The following MED22 variants were observed in gnomAD, a reference collection of about 807,000 sequenced individuals.
MED22 encodes mediator complex subunit 22.
Under a neutral mutation model 22.7 loss-of-function variants are expected in MED22, and 22 were observed. That is an observed-to-expected ratio of 0.97 (90% CI 0.69 to 1.38). MED22 has a LOEUF of 1.38. MED22 is among the 40% of genes most tolerant of loss of function. MED22 has a pLI of 0.00. For missense variants in MED22, 247 were observed against 263.0 expected (o/e 0.94, Z 0.42); for synonymous variants, 134 against 119.4 (o/e 1.12, Z -0.80).
chr9:133,343,772 T>TG (rs1458004818), intron 4 of MED22: 24 of 1,338,594 alleles, frequency 1.8e-5, no homozygotes, highest in Non-Finnish European at 2.3e-5. Flanking sequence ...ATTCAGAAGG[T>TG]AACAGGAGCA....
Position 133,341,356 on chromosome 9 carries a change from G to C in MED22, c.*149C>G. The C allele has an allele frequency of 9.8e-6, 8 of 815,728 alleles. No homozygotes were observed. Among genetic ancestry groups the C allele is most frequent in the Non-Finnish European group, 1.4e-5 (8 of 562,760 alleles). 50.5% of individuals were successfully genotyped at this position (815,728 alleles called of 1,614,324 possible). ...CTACTGTCCTGGCGGGACCCACCCT[G>C]GGCTAACGGGCTTCCCAAGGAAGTC... On this transcript the variant is annotated 3_prime_UTR_variant, in exon 5 of 5. Transcript: ENST00000343730.
At chr9:133,347,071 C>CA (rs1224154044) in intron 1 of MED22, 1 of 208,518 alleles carries the variant, frequency 4.8e-6, no homozygotes, top group Non-Finnish European at 9.9e-6. Context: ...CACGCCCTCC[C>CA]ATCCGAAGAG....
intron 2 of MED22, 52 bp from the exon 3 acceptor site, chr9:133,345,304 C>G (rs1258773638): frequency 1.3e-6 from 2 of 1,576,008 alleles, no homozygotes; most frequent in Admixed American, 1.7e-5. Flanking sequence ...GCATCCCCAC[C>G]CCTGGCCCGG....
chr9:133,341,760 A>G, intron 4 of MED22, 66 bp from the exon 5 acceptor site: 2 of 1,567,732 alleles, frequency 1.3e-6, no homozygotes, highest in Non-Finnish European at 8.6e-7. Context: ...AGGGGAGGGG[A>G]GAGCAAGACA....
intron 4 of MED22, 92 bp downstream of exon 4, chr9:133,344,033 G>A: frequency 6.3e-7 from 1 of 1,580,004 alleles, no homozygotes. Context: ...AGACCAGCAA[G>A]AATTTGAAAA....
chr9:133,339,296 C>T lies in MED22; in HGVS notation c.*2209G>A, dbSNP rs1288304502. ...CTAAGCACTCTAAGAGCCGAGAGAG[C>T]TTCCTGAAACGCGTGAAGGAAAATG... is the stretch of plus-strand genomic sequence containing the variant. On this transcript the variant is annotated 3_prime_UTR_variant, in exon 5 of 5. Coordinates refer to ENST00000343730, the MANE Select transcript of MED22 (RefSeq NM_133640.5). The T allele has an allele frequency of 9.9e-6, 7 of 705,732 alleles. No individual in the cohort carries two copies. The African/African-American group carries it at 1.1e-4, about 11-fold the overall frequency. 43.7% of individuals were successfully genotyped at this position (705,732 alleles called of 1,614,324 possible). A position where few individuals can be genotyped will look rare whatever the true frequency, so the allele number is the denominator to read the frequency against.
intron 4 of MED22, chr9:133,341,931 C>T: frequency 7.6e-7 from 1 of 1,313,118 alleles, no homozygotes; most frequent in Non-Finnish European, 9.6e-7. Flanking sequence ...CTGGCCCAAC[C>T]ACCAACAGCT....
Position 133,345,247 on chromosome 9 carries a change from C to T in MED22, c.129G>A (p.Glu43=), listed in dbSNP as rs1836146828. ...TGGCCCGTGACACCTGCGTCTCGTC[C>T]TCAATCTGGGGGAAAACAAGAAAAC... is the stretch of plus-strand genomic sequence containing the variant. The part of the protein sequence containing the change: ...FTEIIKTAKI[E]DETQVSRATQ... The change falls in exon 3 of 5, where the codon GAG becomes GAA. Residue 43 remains glutamate (E), a synonymous_variant. Coordinates refer to ENST00000343730, the MANE Select transcript of MED22 (RefSeq NM_133640.5). The T allele has an allele frequency of 6.2e-7, 1 of 1,613,996 alleles. No homozygotes were observed. Among genetic ancestry groups the T allele is most frequent in the African/African-American group, 1.3e-5 (1 of 75,018 alleles).
chr9:133,339,633 G>C lies in MED22; in HGVS notation c.*1872C>G, dbSNP rs1472897385. 2.6e-6 allele frequency: 1 copy of C among 391,556 alleles called. No individual in the cohort carries two copies. The allele number at this position is 391,556 out of a possible 1,614,324, so 24.3% of individuals were successfully genotyped here. A position where few individuals can be genotyped will look rare whatever the true frequency, so the allele number is the denominator to read the frequency against. On this transcript the variant is annotated 3_prime_UTR_variant, in exon 5 of 5. Coordinates refer to ENST00000343730, the MANE Select transcript of MED22 (RefSeq NM_133640.5). Reference sequence around the variant, plus strand: ...ATGGACGAAGGAGAATGTGCTCAGAGAGGCAAACTGACAAGTACTTCCATG... The same window carrying C: ...ATGGACGAAGGAGAATGTGCTCAGACAGGCAAACTGACAAGTACTTCCATG...
At chr9:133,346,032 A>G (rs923791073) in intron 2 of MED22, among the ~76,000 whole-genome samples, 1 of 152,222 alleles carries the variant, frequency 6.6e-6, no homozygotes, top group East Asian at 1.9e-4. Flanking sequence ...GGCTTGATAC[A>G]TGGCAAGCAC....
In MED22 at chr9:133,341,618, C is replaced by G. The variant is rs2129949620; in HGVS notation, c.490G>C (p.Asp164His). ...GCCAGCAGAGGGGCCGAGAGGCCAT[C>G]AGCAGAGTCTGTGTCGAGGTCCAGC... ...GRLDLDTDSA[D>H]GLSAPLLASP... Residue 164 changes from aspartate (D) to histidine (H), a missense_variant, in exon 5 of 5, where the codon GAT becomes CAT. Physicochemically the swap from Asp to His is moderately conservative, Grantham distance 81. Transcript: ENST00000343730. The G allele has an allele frequency of 1.6e-5, 26 of 1,598,922 alleles. No homozygotes were observed. The Admixed American group carries it at 1.8e-4, about 11-fold the overall frequency.
intron 3 of MED22, among the ~76,000 whole-genome samples, chr9:133,344,567 C>T (rs2129962167): frequency 0.056 from 8,544 of 152,288 alleles, 336 homozygotes; most frequent in Non-Finnish European, 0.087. Flanking sequence ...GCTTCCACTC[C>T]TGCAGGACTG....
chr9:133,342,391 C>G (rs1451737751), intron 4 of MED22: 1 of 985,968 alleles, frequency 1.0e-6, no homozygotes, highest in East Asian at 1.1e-4. Context: ...CCTGCCTCGC[C>G]CCTGGCTTCC....
At chr9:133,342,738 A>G (rs1836047664) in intron 4 of MED22, 7 of 985,828 alleles carry the variant, frequency 7.1e-6, no homozygotes, top group Non-Finnish European at 8.4e-6. Flanking sequence ...GAGGGGACAC[A>G]GGCTGGCCTG....
intron 2 of MED22, 37 bp from the exon 3 acceptor site, chr9:133,345,289 C>T (rs1393859375): frequency 6.2e-7 from 1 of 1,603,270 alleles, no homozygotes; most frequent in Non-Finnish European, 8.5e-7. Context: ...ATCAACCCAG[C>T]CAAGGCATCC....
Position 133,340,279 on chromosome 9 carries a change from G to C in MED22, c.*1226C>G, listed in dbSNP as rs1835970639. The C allele has an allele frequency of 1.3e-5, 2 of 152,140 alleles. No individual in the cohort carries two copies. Among genetic ancestry groups the C allele is most frequent in the Non-Finnish European group, 2.9e-5 (2 of 68,114 alleles). 9.4% of individuals were successfully genotyped at this position (152,140 alleles called of 1,614,324 possible). On this transcript the variant is annotated 3_prime_UTR_variant, in exon 5 of 5. Transcript: ENST00000343730. ...CTGTCTGTCTGGTGCCTTCTGCTTG[G>C]CTGTGGGGTTCTCTGGTTCAGGTGG...
chr9:133,343,700 AG>A, intron 4 of MED22: 1 of 1,271,904 alleles, frequency 7.9e-7, no homozygotes, highest in South Asian at 3.4e-5. Context: ...CCCTGGACAT[AG>A]GTGTGGACCT....
At chr9:133,346,200 C>T (rs916175530) in intron 2 of MED22, among the ~76,000 whole-genome samples, 1 of 150,778 alleles carries the variant, frequency 6.6e-6, no homozygotes, top group African/African-American at 2.5e-5. Context: ...GCCTGGAGGC[C>T]CCCCCCCACT....
intron 1 of MED22, 97 bp from the exon 2 acceptor site, chr9:133,346,797 C>CATTGA (rs2119068898): frequency 1.8e-6 from 2 of 1,081,576 alleles, no homozygotes; most frequent in African/African-American, 3.2e-5. Flanking sequence ...CTGGGGATTC[C>CATTGA]CTTTCTGCCA....
Sources: allele counts gnomAD v4.1 joint callset (sites outside exome capture counted in the v4.1 genomes callset), GRCh38; gene constraint gnomAD v4.1.1; transcripts MANE v1.5; gene names NCBI Gene and HGNC (gene_info 2026-07-23, HGNC 2026-07-21).